The following PRKAG2 variants were observed in gnomAD, a reference collection of about 807,000 sequenced individuals.
PRKAG2 encodes 5'-AMP-activated protein kinase subunit gamma-2.
PRKAG2 carries 26 observed loss-of-function variants against 69.6 expected under a neutral mutation model. The ratio of observed to expected loss-of-function variants is 0.37; its 90% CI spans 0.27 to 0.52. PRKAG2 has a LOEUF of 0.52. Among genes scored for constraint, PRKAG2 ranks in the 20% least tolerant of loss-of-function variants. The probability of loss-of-function intolerance (pLI) is 0.90; values close to 1 mark genes in which losing one functional copy is unlikely to be tolerated. For missense variants in PRKAG2, 557 were observed against 740.0 expected, an observed-to-expected ratio of 0.75 and a Z score of 2.87; for synonymous variants, 293 against 285.0, an observed-to-expected ratio of 1.03 and a Z score of -0.28.
At chr7:151,676,324 T>C (rs1832944864) in intron 3 of PRKAG2, among the ~76,000 whole-genome samples, 1 of 151,676 alleles carries the variant, frequency 6.6e-6, no homozygotes, top group Admixed American at 6.6e-5. Flanking sequence ...AACATGAACA[T>C]CACCACTGTA....
rs1411227333 is a variant in PRKAG2 at position 151,756,453 on chromosome 7, T to C, written c.466+24699A>G. 6.6e-6 allele frequency among the ~76,000 whole-genome samples: 1 copy of C among 152,170 alleles called. No homozygotes were observed. Among genetic ancestry groups the C allele is most frequent in the East Asian group, 1.9e-4 (1 of 5,174 alleles). Reference sequence around the variant, plus strand: ...GGCTCAGGCACACGCAACGACTCAGTGGTGCCTCCAGGCGAGCGGGTACCT... The same window carrying C: ...GGCTCAGGCACACGCAACGACTCAGCGGTGCCTCCAGGCGAGCGGGTACCT... On this transcript the variant is annotated intron_variant, in intron 3 of 15. Coordinates refer to ENST00000287878, the MANE Select transcript of PRKAG2 (RefSeq NM_016203.4). This position sits in a 1 kb window ranked among gnomAD's most constrained non-coding sequence, Gnocchi z 4.9.
intron 1 of PRKAG2, among the ~76,000 whole-genome samples, chr7:151,831,776 C>T (rs1250135577): frequency 6.6e-6 from 1 of 152,178 alleles, no homozygotes; most frequent in Non-Finnish European, 1.5e-5. Flanking sequence ...GGTGCTGTGT[C>T]CCAGGCAGGA....
At chr7:151,821,519 G>C (rs2078778173) in intron 1 of PRKAG2, among the ~76,000 whole-genome samples, 1 of 152,220 alleles carries the variant, frequency 6.6e-6, no homozygotes, top group African/African-American at 2.4e-5. Flanking sequence ...GCCCCGGGCT[G>C]CCCAGGTGGT....
intron 1 of PRKAG2, among the ~76,000 whole-genome samples, chr7:151,859,245 G>A (rs1388718600): frequency 2.0e-5 from 3 of 152,356 alleles, no homozygotes; most frequent in South Asian, 4.1e-4. Flanking sequence ...AACACTCCGC[G>A]GGGAACGGCG....
intron 3 of PRKAG2, among the ~76,000 whole-genome samples, chr7:151,728,938 C>T (rs182529484): frequency 1.6e-3 from 246 of 152,198 alleles, no homozygotes; most frequent in Admixed American, 2.6e-3. Context: ...GGCACTTGAC[C>T]GTGACATCCA....
intron 1 of PRKAG2, among the ~76,000 whole-genome samples, chr7:151,794,399 T>C (rs1188113604): frequency 6.6e-6 from 1 of 152,252 alleles, no homozygotes; most frequent in Non-Finnish European, 1.5e-5. Flanking sequence ...GAACCTCCAC[T>C]TTCCAGTGTG....
intron 15 of PRKAG2, chr7:151,560,276 T>C: frequency 1.4e-6 from 2 of 1,389,094 alleles, no homozygotes; most frequent in East Asian, 3.2e-5. Flanking sequence ...GGCTCCCAAG[T>C]CATTTAGGGG....
intron 1 of PRKAG2, among the ~76,000 whole-genome samples, chr7:151,853,326 T>G (rs907350239): frequency 5.9e-5 from 9 of 152,184 alleles, no homozygotes; most frequent in African/African-American, 2.2e-4. Flanking sequence ...AATGACAGGT[T>G]TGTCAGAAAA....
intron 3 of PRKAG2, among the ~76,000 whole-genome samples, chr7:151,697,319 C>T (rs1020812904): frequency 3.9e-5 from 6 of 152,100 alleles, no homozygotes; most frequent in African/African-American, 1.4e-4. Flanking sequence ...GTCCGAGCAT[C>T]AGGGGGCGCT....
intron 4 of PRKAG2, among the ~76,000 whole-genome samples, chr7:151,637,034 T>G (rs548537820): frequency 7.9e-5 from 12 of 152,294 alleles, no homozygotes; most frequent in Non-Finnish European, 1.5e-4. Flanking sequence ...GAGGACCTGC[T>G]GAACTGTTTT....
rs1357187273 is a variant in PRKAG2 at position 151,585,886 on chromosome 7, G to A, written c.865-9434C>T. ...AGGGAGGAAGGAGACGGGTGGGCGG[G>A]TGAGTCAGCGCAGGACGCGTTCCTG... is the stretch of plus-strand genomic sequence containing the variant. On this transcript the variant is annotated intron_variant, in intron 6 of 15. Coordinates refer to ENST00000287878, the MANE Select transcript of PRKAG2 (RefSeq NM_016203.4). Among the ~76,000 whole-genome samples the A allele has an allele frequency of 2.0e-4, 31 of 152,226 alleles. 1 individual carries two copies. The highest frequency in any genetic ancestry group is 2.0e-3 in the Admixed American group (30 of 15,278).
At position 151,807,150 on chromosome 7, in the gene PRKAG2, G is replaced by A. The variant is rs371260161; in HGVS notation, c.115-20609C>T. 51 of 372,672 alleles carry A rather than the reference G, an allele frequency of 1.4e-4. No individual in the cohort carries two copies. Among genetic ancestry groups the A allele is most frequent in the Non-Finnish European group, 1.1e-4 (21 of 188,584 alleles). 23.1% of individuals were successfully genotyped at this position (372,672 alleles called of 1,614,324 possible). On this transcript the variant is annotated intron_variant, in intron 1 of 15. Coordinates refer to ENST00000287878, the MANE Select transcript of PRKAG2 (RefSeq NM_016203.4). The surrounding 1 kb of genome is among the most constrained non-coding windows in gnomAD (Gnocchi z 4.4). ...GAAATGTTCCAGATCACACTGTGGC[G>A]GTGGTCACATGACTGTGCACACTTA...
intron 5 of PRKAG2, among the ~76,000 whole-genome samples, chr7:151,630,934 G>A (rs4726069): frequency 0.016 from 2,484 of 152,316 alleles, 58 homozygotes; most frequent in African/African-American, 0.056. Flanking sequence ...TAATGACAAT[G>A]ACTATGAACG....
intron 1 of PRKAG2, among the ~76,000 whole-genome samples, chr7:151,848,109 T>C (rs1202623930): frequency 6.6e-6 from 1 of 152,158 alleles, no homozygotes; most frequent in Non-Finnish European, 1.5e-5. Context: ...GCTTTCAGGA[T>C]GGGAGCAGAT....
intron 3 of PRKAG2, among the ~76,000 whole-genome samples, chr7:151,726,388 A>G (rs975164235): frequency 5.6e-5 from 6 of 106,926 alleles, no homozygotes; most frequent in South Asian, 3.0e-4. Flanking sequence ...ACACACACAC[A>G]CACACACACA....
intron 5 of PRKAG2, among the ~76,000 whole-genome samples, chr7:151,598,049 GAAT>G (rs1318124442): frequency 6.6e-6 from 1 of 152,134 alleles, no homozygotes; most frequent in African/African-American, 2.4e-5. Context: ...CCAAGACATG[GAAT>G]CCACCTAAGT....
chr7:151,631,859 G>A (rs1028518693), intron 5 of PRKAG2: 2 of 497,362 alleles, frequency 4.0e-6, no homozygotes, highest in South Asian at 3.3e-5. Flanking sequence ...CCTGGCTCGC[G>A]TCCCCTCCGC....
At chr7:151,700,256 C>T (rs1033588034) in intron 3 of PRKAG2, among the ~76,000 whole-genome samples, 37 of 152,082 alleles carry the variant, frequency 2.4e-4, no homozygotes, top group Admixed American at 6.5e-5. Flanking sequence ...GTGCTGGGGA[C>T]AGTGAACACG....
chr7:151,791,795 C>T (rs1375003275), intron 1 of PRKAG2, among the ~76,000 whole-genome samples: 2 of 152,136 alleles, frequency 1.3e-5, no homozygotes, highest in South Asian at 4.1e-4. Flanking sequence ...AAGTCTATCA[C>T]AAAAAAAGTG....
Sources: gnomAD v4.1 joint callset for allele counts (sites outside exome capture counted in the v4.1 genomes callset) on GRCh38, gnomAD v4.1.1 for gene constraint, Gnocchi (gnomAD v3.1) non-coding constraint, MANE v1.5 for transcripts, NCBI Gene and HGNC (gene_info 2026-07-23, HGNC 2026-07-21) for gene names.